METTL2B: variants seen among roughly 807,000 people sequenced by gnomAD.
METTL2B encodes the protein methyltransferase 2B, tRNA N3-cytidine, also known as tRNA N(3)-cytidine methyltransferase METTL2B.
Under a neutral mutation model 51.0 loss-of-function variants are expected in METTL2B, and 28 were observed. The observed-to-expected ratio is 0.55, with a 90% CI of 0.41 to 0.75. The LOEUF (loss-of-function observed/expected upper bound fraction) is 0.75. METTL2B is among the 30% of genes least tolerant of loss of function. METTL2B has a pLI of 0.00. For synonymous variants in METTL2B, 128 were observed against 166.3 expected, an observed-to-expected ratio of 0.77 and a Z score of 1.77; for missense variants, 313 against 460.7, an observed-to-expected ratio of 0.68 and a Z score of 2.93.
intron 5 of METTL2B, chr7:128,488,501 T>G (rs1197195676): frequency 4.0e-6 from 2 of 495,028 alleles, no homozygotes; most frequent in Non-Finnish European, 4.1e-6. Flanking sequence ...TTATGTATGT[T>G]ATAGTGTGTG....
At position 128,505,789 on chromosome 7, in the gene METTL2B, C is replaced by T. The variant is rs1349667242; in HGVS notation, c.*3873C>T. 6.6e-6 allele frequency: 1 copy of T among 152,136 alleles called. No individual in the cohort carries two copies. The highest frequency in any genetic ancestry group is 6.6e-5 in the Admixed American group (1 of 15,246). The allele number at this position is 152,136 out of a possible 1,614,324, so 9.4% of individuals were successfully genotyped here. On this transcript the variant is annotated 3_prime_UTR_variant, in exon 9 of 9. Transcript: ENST00000262432. ...GAAAAGCTTTCTCATATCTGATTTACTTGTCTCAATATGGACCCATGGGTA... is the reference window on the plus strand; with the variant it reads ...GAAAAGCTTTCTCATATCTGATTTATTTGTCTCAATATGGACCCATGGGTA...
intron 4 of METTL2B, chr7:128,483,154 A>C (rs1237443009): frequency 1.3e-5 from 2 of 152,214 alleles, no homozygotes; most frequent in East Asian, 3.8e-4. Context: ...TATGGCCATT[A>C]ATCATCAATA....
In METTL2B at chr7:128,502,011, C is replaced by G. The variant is rs1053720930; in HGVS notation, c.*95C>G. On this transcript the variant is annotated 3_prime_UTR_variant, in exon 9 of 9. Coordinates refer to ENST00000262432, the MANE Select transcript of METTL2B (RefSeq NM_018396.3). ...ACCGGGCATGGTGCATGCCTGTAAT[C>G]CCAGCCACTCAGGAGGCTGAGGCAG... The G allele has an allele frequency of 1.8e-5, 28 of 1,538,184 alleles. No homozygotes were observed. The highest frequency in any genetic ancestry group is 2.5e-5 in the Non-Finnish European group (28 of 1,137,840).
rs374137671 is a variant in METTL2B at position 128,479,210 on chromosome 7, C to T, written c.255C>T (p.His85=). ...ACTGGAATGACTTCTACAAAATCCA[C>T]GAAAATGGGTTTTTCAAGGATAGAC... is the stretch of plus-strand genomic sequence containing the variant. ...HKYWNDFYKI[H]ENGFFKDRHW... Residue 85 remains histidine, a synonymous_variant, in exon 3 of 9, where the codon CAC becomes CAT. Coordinates refer to ENST00000262432, the MANE Select transcript of METTL2B (RefSeq NM_018396.3). 2.7e-5 allele frequency: 43 copies of T among 1,614,130 alleles called. No individual in the cohort carries two copies. Among genetic ancestry groups the T allele is most frequent in the Non-Finnish European group, 3.1e-5 (36 of 1,180,008 alleles).
intron 2 of METTL2B, among the ~76,000 whole-genome samples, chr7:128,477,572 A>G (rs918060526): frequency 6.6e-6 from 1 of 151,940 alleles, no homozygotes; most frequent in African/African-American, 2.4e-5. Context: ...GATTCTAAAT[A>G]TTGTTGGGAG....
chr7:128,480,901 T>C (rs1799864889), intron 4 of METTL2B, among the ~76,000 whole-genome samples: 1 of 152,246 alleles, frequency 6.6e-6, no homozygotes, highest in South Asian at 2.1e-4. Flanking sequence ...CTATCAATAA[T>C]GGTTATTGGA....
intron 5 of METTL2B, among the ~76,000 whole-genome samples, chr7:128,490,264 A>AAGAG (rs1191937243): frequency 6.6e-6 from 1 of 152,136 alleles, no homozygotes; most frequent in African/African-American, 2.4e-5. Context: ...GAAAGAAAGA[A>AAGAG]TAAGACTAAA....
intron 6 of METTL2B, among the ~76,000 whole-genome samples, chr7:128,495,173 G>A (rs1209758980): frequency 2.0e-5 from 3 of 149,804 alleles, no homozygotes; most frequent in Admixed American, 6.6e-5. Context: ...CGCCTGCCAC[G>A]GCCTCCCAAA....
rs990353142 is a variant in METTL2B at position 128,503,885 on chromosome 7, C to G, written c.*1969C>G. On this transcript the variant is annotated 3_prime_UTR_variant, in exon 9 of 9. Coordinates refer to ENST00000262432, the MANE Select transcript of METTL2B (RefSeq NM_018396.3). ...TGGTTGTGGGCGCCTGTAATCCCAG[C>G]TACTCAGGAGGCTGAGGTAGGAGAA... The G allele has an allele frequency of 1.1e-4, 17 of 152,058 alleles. No homozygotes were observed. The highest frequency in any genetic ancestry group is 3.9e-4 in the African/African-American group (16 of 41,404). The allele number at this position is 152,058 out of a possible 1,614,324, so 9.4% of individuals were successfully genotyped here. A position where few individuals can be genotyped will look rare whatever the true frequency, so the allele number is the denominator to read the frequency against.
rs1381304790 is a variant in METTL2B, at chr7:128,504,255, G to C, written c.*2339G>C. 6.6e-6 allele frequency: 1 copy of C among 151,908 alleles called. No homozygotes were observed. The highest frequency in any genetic ancestry group is 1.5e-5 in the Non-Finnish European group (1 of 68,094). The allele number at this position is 151,908 out of a possible 1,614,324, so 9.4% of individuals were successfully genotyped here. On this transcript the variant is annotated 3_prime_UTR_variant, in exon 9 of 9. Transcript: ENST00000262432. ...ATGATTATGTTGGCTGGGCACAGTG[G>C]CTCCTGTAATCTTAGCATTTTGGGA...
chr7:128,495,704 C>T (rs895938244), intron 6 of METTL2B, among the ~76,000 whole-genome samples: 3 of 152,128 alleles, frequency 2.0e-5, no homozygotes, highest in Non-Finnish European at 2.9e-5. Flanking sequence ...CCACCCACCT[C>T]GGCATCCCAA....
chr7:128,479,729 C>A (rs1030310384), intron 3 of METTL2B, among the ~76,000 whole-genome samples: 1 of 152,178 alleles, frequency 6.6e-6, no homozygotes, highest in African/African-American at 2.4e-5. Context: ...AAAGATCACA[C>A]GGGAATAGCA....
At chr7:128,498,000 A>G (rs1437779056) in intron 6 of METTL2B, 36 bp from the exon 7 acceptor site, 2 of 1,607,608 alleles carry the variant, frequency 1.2e-6, no homozygotes, top group Admixed American at 3.4e-5. Flanking sequence ...GTCTTTAAGG[A>G]GACCTGATTA....
At chr7:128,492,572 G>T (rs906751949) in intron 5 of METTL2B, among the ~76,000 whole-genome samples, 1 of 151,838 alleles carries the variant, frequency 6.6e-6, no homozygotes, top group African/African-American at 2.4e-5. Flanking sequence ...GTGATCCACT[G>T]TGCCTAGCAG....
intron 5 of METTL2B, among the ~76,000 whole-genome samples, chr7:128,493,250 T>C (rs1584795010): frequency 6.6e-6 from 1 of 152,130 alleles, no homozygotes; most frequent in Admixed American, 6.6e-5. Flanking sequence ...TTCACTCTTA[T>C]TGCCCAGGCT....
In METTL2B at chr7:128,501,840, G is replaced by A. The variant is rs369496166; in HGVS notation, c.1061G>A (p.Arg354Gln). 1.1e-5 allele frequency: 17 copies of A among 1,614,104 alleles called. No homozygotes were observed. Among genetic ancestry groups the A allele is most frequent in the South Asian group, 3.3e-5 (3 of 91,090 alleles). The change falls in exon 9 of 9, where the codon CGA becomes CAA. Residue 354 changes from arginine to glutamine, a missense_variant. Arg to Gln is a conservative substitution (Grantham distance 43). Around this residue, in one of 4 missense-constraint regions of METTL2B, gnomAD observed 138 missense variants for 187.6 expected, o/e 0.74. Coordinates refer to ENST00000262432, the MANE Select transcript of METTL2B (RefSeq NM_018396.3). Reference sequence around the variant, plus strand: ...GTGGACCGCCGACTGCAGGTGAACCGAGGGAAGCAACTGACAATGTACCGG... The same window carrying A: ...GTGGACCGCCGACTGCAGGTGAACCAAGGGAAGCAACTGACAATGTACCGG... Reference protein sequence around the residue: ...NLVDRRLQVNRGKQLTMYRVW... With the variant: ...NLVDRRLQVNQGKQLTMYRVW...
At chr7:128,482,620 G>A (rs1239521114) in intron 4 of METTL2B, among the ~76,000 whole-genome samples, 1 of 152,164 alleles carries the variant, frequency 6.6e-6, no homozygotes, top group Non-Finnish European at 1.5e-5. Context: ...TGCAACCTCT[G>A]CCTCCTGGGT....
chr7:128,505,695 T>C lies in METTL2B; in HGVS notation c.*3779T>C, dbSNP rs1401696924. ...TTGCTGTTTTTTGTCTGAATAACTA[T>C]GATAGTTGCCAAATAGTGGTTTCTG... On this transcript the variant is annotated 3_prime_UTR_variant, in exon 9 of 9. Transcript: ENST00000262432. 1 of 152,234 alleles carries C rather than the reference T, an allele frequency of 6.6e-6. No individual in the cohort carries two copies. The highest frequency in any genetic ancestry group is 1.5e-5 in the Non-Finnish European group (1 of 68,040). The allele number at this position is 152,234 out of a possible 1,614,324, so 9.4% of individuals were successfully genotyped here.
chr7:128,484,226 T>TGTTG lies in METTL2B; in HGVS notation c.608+3530_608+3531insGTTG, dbSNP rs1563027642. On this transcript the variant is annotated intron_variant, in intron 4 of 8. Coordinates refer to ENST00000262432, the MANE Select transcript of METTL2B (RefSeq NM_018396.3). ...CCCTATTGCCTAGATCCTTTTTTTT[T>TGTTG]TTTTTTTTTTTTTTTTTTTGAGACA... 7 of 93,056 alleles carry TGTTG rather than the reference T, an allele frequency of 7.5e-5. No homozygotes were observed. In the East Asian group the frequency reaches 1.4e-3, roughly 18 times the overall value. 5.8% of individuals were successfully genotyped at this position (93,056 alleles called of 1,614,324 possible).
Sources: allele counts gnomAD v4.1 joint callset (sites outside exome capture counted in the v4.1 genomes callset), GRCh38; gene constraint gnomAD v4.1.1; regional missense constraint gnomAD v4.1.1; transcripts MANE v1.5; gene names NCBI Gene and HGNC (gene_info 2026-07-23, HGNC 2026-07-21).